The following CCDC77 variants were observed in gnomAD, a reference collection of about 807,000 sequenced individuals.
CCDC77 encodes coiled-coil domain containing 77.
A neutral mutation model predicts 66.8 loss-of-function variants in CCDC77; 56 were observed. The observed-to-expected ratio is 0.84, with a 90% CI of 0.68 to 1.05. CCDC77 has a LOEUF of 1.05. CCDC77 is among the 50% of genes least tolerant of loss of function. The pLI is 0.00. For missense variants in CCDC77, 570 were observed against 576.8 expected (o/e 0.99, Z 0.12); for synonymous variants, 196 against 195.2 (o/e 1.00, Z -0.03).
At position 441,921 on chromosome 12, in the gene CCDC77, T is replaced by G. The variant is rs767257837; in HGVS notation, c.*1T>G. On this transcript the variant is annotated 3_prime_UTR_variant, in exon 13 of 13. Transcript: ENST00000239830. ...GGAGAATGAACTTAGACTCTGTTAA[T>G]GTCTACTTTTGGAAATGGCCCCCAT... 5.0e-6 allele frequency: 8 copies of G among 1,613,888 alleles called. No homozygotes were observed. Among genetic ancestry groups the G allele is most frequent in the Non-Finnish European group, 5.1e-6 (6 of 1,179,956 alleles).
At chr12:417,429 G>A (rs1001986366) in intron 4 of CCDC77, among the ~76,000 whole-genome samples, 4 of 152,066 alleles carry the variant, frequency 2.6e-5, no homozygotes, top group African/African-American at 9.7e-5. Context: ...ACAGATCTCA[G>A]AATGTTTATT....
At chr12:421,456 ACACAC>A (rs1945392612) in intron 5 of CCDC77, among the ~76,000 whole-genome samples, 3 of 34,592 alleles carry the variant, frequency 8.7e-5, no homozygotes, top group Non-Finnish European at 8.8e-5. Context: ...GAGAGGGTAA[ACACAC>A]ATAGCAGCAC....
intron 9 of CCDC77, among the ~76,000 whole-genome samples, chr12:436,115 C>CT (rs1181059309): frequency 0.29 from 30,865 of 106,178 alleles, 5,800 homozygotes; most frequent in East Asian, 0.45. Flanking sequence ...GATCCTTTGT[C>CT]TTTTTTTTTT....
chr12:433,236 G>C lies in CCDC77; in HGVS notation c.735G>C (p.Gly245=), dbSNP rs76228130. The C allele has an allele frequency of 2.6e-3, 4,144 of 1,613,894 alleles. 102 individuals are homozygous for C. In the African/African-American group the frequency reaches 0.049, roughly 19 times the overall value. Residue 245 remains glycine (G), a synonymous_variant, in exon 9 of 13, where the codon GGG becomes GGC. Coordinates refer to ENST00000239830, the MANE Select transcript of CCDC77 (RefSeq NM_032358.4). ...AACTTTCTCGAGAACAAATTGAAGG[G>C]CTCATCGAGGACAGACGGATTCACC... ...QTKLSREQIE[G]LIEDRRIHLE...
At chr12:430,577 T>C in intron 6 of CCDC77, 87 bp from the exon 7 acceptor site, 1 of 933,572 alleles carries the variant, frequency 1.1e-6, no homozygotes, top group Admixed American at 1.7e-5. Context: ...ATTTAACTTC[T>C]AGTGTTCAAT....
In CCDC77 at chr12:441,941, C is replaced by T. The variant is rs745638443; in HGVS notation, c.*21C>T. On this transcript the variant is annotated 3_prime_UTR_variant, in exon 13 of 13. Transcript: ENST00000239830. ...GTTAATGTCTACTTTTGGAAATGGC[C>T]CCCATTTAGAAGAGGTGTGCTTCTT... The T allele has an allele frequency of 1.9e-6, 3 of 1,612,770 alleles. No homozygotes were observed. The highest frequency in any genetic ancestry group is 2.2e-5 in the East Asian group (1 of 44,856).
chr12:398,223 C>T (rs1296584807), upstream of CCDC77, among the ~76,000 whole-genome samples: 1 of 152,190 alleles, frequency 6.6e-6, no homozygotes, highest in Non-Finnish European at 1.5e-5. Flanking sequence ...GAACTTCTTT[C>T]AAAGTTGAAG....
chr12:390,537 C>G (rs1160569670), intron 1 of CCDC77, among the ~76,000 whole-genome samples: 2 of 152,100 alleles, frequency 1.3e-5, no homozygotes, highest in African/African-American at 4.8e-5. Context: ...TAGGCCTTAT[C>G]CAATCAACTG....
At position 428,917 on chromosome 12, in the gene CCDC77, T is replaced by C. The variant is rs1945589768; in HGVS notation, c.510+52T>C. The C allele has an allele frequency of 4.4e-6, 5 of 1,144,934 alleles. No homozygotes were observed. The Admixed American group carries it at 6.3e-5, about 14-fold the overall frequency. 70.9% of individuals were successfully genotyped at this position (1,144,934 alleles called of 1,614,324 possible). ...GAGTGTGGCTTTACAAGTCACAGGCTAAGGCCCATCATCAGAAGAACTTTA... is the reference window on the plus strand; with the variant it reads ...GAGTGTGGCTTTACAAGTCACAGGCCAAGGCCCATCATCAGAAGAACTTTA... On this transcript the variant is annotated intron_variant, in intron 6 of 12. Coordinates refer to ENST00000239830, the MANE Select transcript of CCDC77 (RefSeq NM_032358.4).
At chr12:408,738 G>T (rs958502127) in intron 2 of CCDC77, among the ~76,000 whole-genome samples, 1 of 152,190 alleles carries the variant, frequency 6.6e-6, no homozygotes, top group African/African-American at 2.4e-5. Flanking sequence ...TCAAGGAAAA[G>T]ATTGTAGATT....
intron 10 of CCDC77, 67 bp downstream of exon 10, chr12:438,621 C>T: frequency 1.6e-6 from 2 of 1,222,540 alleles, no homozygotes; most frequent in East Asian, 4.7e-5. Flanking sequence ...TCCAAAGAAC[C>T]TACAATTTGT....
chr12:416,781 A>G (rs534788827), intron 4 of CCDC77, among the ~76,000 whole-genome samples: 6 of 151,926 alleles, frequency 3.9e-5, no homozygotes, highest in Non-Finnish European at 7.4e-5. Flanking sequence ...CCCTGTAACC[A>G]CTATTTTACT....
intron 4 of CCDC77, among the ~76,000 whole-genome samples, chr12:414,860 G>A (rs1945191662): frequency 6.6e-6 from 1 of 152,132 alleles, no homozygotes. Context: ...CGTCTAAACT[G>A]TGACGGTGTC....
upstream of CCDC77, among the ~76,000 whole-genome samples, chr12:399,778 G>A (rs1189036899): frequency 6.6e-6 from 1 of 152,206 alleles, no homozygotes; most frequent in East Asian, 1.9e-4. Flanking sequence ...AGCACAGGCA[G>A]ACTATATCTA....
Position 412,329 on chromosome 12 carries a change from G to A in CCDC77, c.270+351G>A, listed in dbSNP as rs115449104. ...CAAGTCCTTCAAACCTAAACCCCATGATGCTTTACTTGAGTAGTAACTGCA... is the reference window on the plus strand; with the variant it reads ...CAAGTCCTTCAAACCTAAACCCCATAATGCTTTACTTGAGTAGTAACTGCA... On this transcript the variant is annotated intron_variant, in intron 4 of 12. Coordinates refer to ENST00000239830, the MANE Select transcript of CCDC77 (RefSeq NM_032358.4). 3.0e-3 allele frequency among the ~76,000 whole-genome samples: 463 copies of A among 152,292 alleles called. 1 individual carries two copies. Among genetic ancestry groups the A allele is most frequent in the African/African-American group, 8.6e-3 (359 of 41,562 alleles).
upstream of CCDC77, among the ~76,000 whole-genome samples, chr12:397,792 G>A (rs4980892): frequency 0.69 from 103,804 of 151,150 alleles, 36,021 homozygotes; most frequent in Admixed American, 0.78. Context: ...GACTACAGGC[G>A]CCCGCCACCA....
upstream of CCDC77, among the ~76,000 whole-genome samples, chr12:398,502 C>T (rs146506620): frequency 0.017 from 2,580 of 151,560 alleles, 75 homozygotes; most frequent in African/African-American, 0.059. Flanking sequence ...TGCAGTGGCG[C>T]GATCTGGGCT....
chr12:422,437 C>T (rs535639360), intron 5 of CCDC77, among the ~76,000 whole-genome samples: 3 of 152,356 alleles, frequency 2.0e-5, no homozygotes, highest in South Asian at 2.1e-4. Context: ...CCCACATCCC[C>T]GTTACCCCAG....
In CCDC77 at chr12:418,479, G is replaced by A. The variant is rs763404815; in HGVS notation, c.271-15G>A. 2 of 1,613,592 alleles carry A rather than the reference G, an allele frequency of 1.2e-6. No individual in the cohort carries two copies. The highest frequency in any genetic ancestry group is 8.5e-7 in the Non-Finnish European group (1 of 1,179,676). Reference sequence around the variant, plus strand: ...CCCAGTGTCTTTCAACTATCTTATTGTGGTTTTTTTGCAGCATAAACTTGA... The same window carrying A: ...CCCAGTGTCTTTCAACTATCTTATTATGGTTTTTTTGCAGCATAAACTTGA... On this transcript the variant is annotated splice_polypyrimidine_tract_variant and intron_variant, in intron 4 of 12. Coordinates refer to ENST00000239830, the MANE Select transcript of CCDC77 (RefSeq NM_032358.4).
Sources: gnomAD v4.1 joint callset for allele counts (sites outside exome capture counted in the v4.1 genomes callset) on GRCh38, gnomAD v4.1.1 for gene constraint, MANE v1.5 for transcripts, NCBI Gene and HGNC (gene_info 2026-07-23, HGNC 2026-07-21) for gene names.